LUZP2: variants seen among roughly 807,000 people sequenced by gnomAD.
LUZP2 encodes the protein leucine zipper protein 2.
Under a neutral mutation model 51.6 loss-of-function variants are expected in LUZP2, and 52 were observed. The ratio of observed to expected loss-of-function variants is 1.01; its 90% CI spans 0.81 to 1.27. The LOEUF (loss-of-function observed/expected upper bound fraction) is 1.27, where lower values mean the gene tolerates loss of function less well. Among genes scored for constraint, LUZP2 ranks in the 50% most tolerant of loss-of-function variants. The pLI, the probability that LUZP2 is intolerant of heterozygous loss-of-function variation, is 0.00. For missense variants in LUZP2, 436 were observed against 395.4 expected (o/e 1.10, Z -0.87); for synonymous variants, 154 against 137.3 (o/e 1.12, Z -0.85).
Position 24,644,777 on chromosome 11 carries a change from A to T in LUZP2, c.63-84392A>T, listed in dbSNP as rs576104223. On this transcript the variant is annotated intron_variant, in intron 1 of 11. Coordinates refer to ENST00000336930, the MANE Select transcript of LUZP2 (RefSeq NM_001009909.4). ...ACTGTGTTAGCATATACATTTCTTT[A>T]TTTTTAAAATTAGTTTGTCTGGGGT... Among the ~76,000 whole-genome samples, 6 of 152,230 alleles carry T rather than the reference A, an allele frequency of 3.9e-5. No individual in the cohort carries two copies. The East Asian group carries it at 1.2e-3, about 29-fold the overall frequency.
chr11:24,561,816 T>TATAATAATAATA (rs147360262), intron 1 of LUZP2, among the ~76,000 whole-genome samples: 69 of 120,858 alleles, frequency 5.7e-4, no homozygotes, highest in African/African-American at 1.6e-3. Flanking sequence ...GAACTTAAAG[T>TATAATAATAATA]ATAATAATAA....
intron 4 of LUZP2, among the ~76,000 whole-genome samples, chr11:24,740,327 G>C (rs1486612890): frequency 5.3e-5 from 8 of 152,116 alleles, no homozygotes; most frequent in Non-Finnish European, 1.2e-4. Context: ...ACAAACCAAA[G>C]TTAGAATATC....
intron 1 of LUZP2, among the ~76,000 whole-genome samples, chr11:24,637,205 G>C (rs1046021341): frequency 6.6e-6 from 1 of 151,744 alleles, no homozygotes; most frequent in African/African-American, 2.4e-5. Flanking sequence ...ATCGGCTGGA[G>C]CCTAGGAAGA....
chr11:25,033,531 G>A (rs1857762504), intron 9 of LUZP2, among the ~76,000 whole-genome samples: 1 of 152,148 alleles, frequency 6.6e-6, no homozygotes. Flanking sequence ...CCTGGGTAGT[G>A]AGCACAGTAC....
At chr11:24,677,627 A>G (rs1022874575) in intron 1 of LUZP2, among the ~76,000 whole-genome samples, 3 of 151,922 alleles carry the variant, frequency 2.0e-5, no homozygotes, top group Non-Finnish European at 4.4e-5. Flanking sequence ...TCTTTTTCTC[A>G]TTGTTCTTTA....
At chr11:24,818,940 A>T (rs941695004) in intron 5 of LUZP2, among the ~76,000 whole-genome samples, 2 of 152,102 alleles carry the variant, frequency 1.3e-5, no homozygotes, top group African/African-American at 4.8e-5. Context: ...ATGTTCATAG[A>T]AGGAGCTCAA....
chr11:24,762,079 C>A (rs1259800133), intron 4 of LUZP2, among the ~76,000 whole-genome samples: 1 of 63,588 alleles, frequency 1.6e-5, no homozygotes, highest in Non-Finnish European at 2.9e-5. Flanking sequence ...AGGGTTAGCC[C>A]ACAGGCATTT....
intron 9 of LUZP2, among the ~76,000 whole-genome samples, chr11:25,032,686 T>C (rs1857725393): frequency 6.6e-6 from 1 of 152,108 alleles, no homozygotes; most frequent in Admixed American, 6.6e-5. Flanking sequence ...TTCATGATTA[T>C]AGTCAGGAAA....
chr11:24,601,399 AT>A lies in LUZP2; in HGVS notation c.62+104101del, dbSNP rs1367400993. ...AGCCACTAAATTGGTGGAGTTAACA[AT>A]TTTTTTAGGCAGAATTAGAAAACTA... On this transcript the variant is annotated intron_variant, in intron 1 of 11. Transcript: ENST00000336930. Among the ~76,000 whole-genome samples the A allele has an allele frequency of 9.2e-5, 14 of 152,070 alleles. No homozygotes were observed. In the East Asian group the frequency reaches 2.7e-3, roughly 29 times the overall value.
At chr11:24,839,857 C>T (rs939938428) in intron 5 of LUZP2, among the ~76,000 whole-genome samples, 12 of 151,678 alleles carry the variant, frequency 7.9e-5, no homozygotes, top group Non-Finnish European at 1.5e-4. Flanking sequence ...TAAAGCTTAA[C>T]TCTCACTCTT....
At chr11:24,943,877 CAAAAA>C (rs33998362) in intron 7 of LUZP2, among the ~76,000 whole-genome samples, 1 of 103,366 alleles carries the variant, frequency 9.7e-6, no homozygotes. Context: ...GACTCCATCT[CAAAAA>C]AAAAAAAAAA....
intron 9 of LUZP2, among the ~76,000 whole-genome samples, chr11:25,046,643 C>T (rs1407099473): frequency 6.6e-6 from 1 of 152,024 alleles, no homozygotes; most frequent in African/African-American, 2.4e-5. Flanking sequence ...CCTATAATAG[C>T]CTGATGTTTG....
intron 1 of LUZP2, among the ~76,000 whole-genome samples, chr11:24,592,395 T>C (rs1347197252): frequency 6.6e-6 from 1 of 152,222 alleles, no homozygotes; most frequent in Non-Finnish European, 1.5e-5. Flanking sequence ...TGTAATACTT[T>C]ATGTAATTGT....
intron 10 of LUZP2, 31 bp from the exon 11 acceptor site, chr11:25,077,298 A>G: frequency 6.6e-7 from 1 of 1,515,970 alleles, no homozygotes; most frequent in Non-Finnish European, 9.2e-7. Context: ...CTTTAACTTC[A>G]TTGATGTATT....
intron 7 of LUZP2, among the ~76,000 whole-genome samples, chr11:24,926,903 A>T (rs1450836743): frequency 6.8e-6 from 1 of 146,784 alleles, no homozygotes; most frequent in Non-Finnish European, 1.5e-5. Flanking sequence ...ACCAACAACT[A>T]TTTTTTTTTT....
intron 1 of LUZP2, among the ~76,000 whole-genome samples, chr11:24,673,722 C>T (rs2133854354): frequency 6.6e-6 from 1 of 152,286 alleles, no homozygotes; most frequent in East Asian, 1.9e-4. Context: ...TGGTCAGCTG[C>T]ATCAAAAATG....
intron 7 of LUZP2, among the ~76,000 whole-genome samples, chr11:24,925,703 G>A (rs1009414242): frequency 4.0e-5 from 6 of 151,598 alleles, no homozygotes; most frequent in South Asian, 2.1e-4. Context: ...TAAAAGTATC[G>A]AAATTTATTT....
At chr11:24,522,049 T>G (rs900238149) in intron 1 of LUZP2, among the ~76,000 whole-genome samples, 2 of 152,094 alleles carry the variant, frequency 1.3e-5, no homozygotes, top group Admixed American at 1.3e-4. Context: ...GACCACGAGA[T>G]TCTCTACAAA....
intron 1 of LUZP2, among the ~76,000 whole-genome samples, chr11:24,659,533 C>T (rs1041676754): frequency 6.6e-6 from 1 of 151,706 alleles, no homozygotes; most frequent in African/African-American, 2.4e-5. Flanking sequence ...AACAAACCTG[C>T]ATGTTGTGCA....
Sources: allele counts gnomAD v4.1 joint callset (sites outside exome capture counted in the v4.1 genomes callset), GRCh38; gene constraint gnomAD v4.1.1; transcripts MANE v1.5; gene names NCBI Gene and HGNC (gene_info 2026-07-23, HGNC 2026-07-21).